ZSCAN23: variants seen among roughly 807,000 people sequenced by gnomAD.
ZSCAN23 encodes zinc finger and SCAN domain-containing protein 23.
ZSCAN23 carries 19 observed loss-of-function variants against 19.3 expected under a neutral mutation model. The ratio of observed to expected loss-of-function variants is 0.99; its 90% CI spans 0.69 to 1.45. The LOEUF (loss-of-function observed/expected upper bound fraction) is 1.45. ZSCAN23 is among the 40% of genes most tolerant of loss of function. The probability of loss-of-function intolerance (pLI) is 0.00; values close to 1 mark genes in which losing one functional copy is unlikely to be tolerated. For synonymous variants in ZSCAN23, 140 were observed against 166.2 expected (o/e 0.84, Z 1.21); for missense variants, 372 against 462.5 (o/e 0.80, Z 1.79).
rs1242530868 is a variant in ZSCAN23 at position 28,433,061 on chromosome 6, C to T, written c.*1404G>A. On this transcript the variant is annotated 3_prime_UTR_variant, in exon 4 of 4. Transcript: ENST00000289788. Reference sequence around the variant, plus strand: ...TTTTAAAAGCTAAAAATAATAATTACAAAAATAAAATGCTTTCAATGAGGA... The same window carrying T: ...TTTTAAAAGCTAAAAATAATAATTATAAAAATAAAATGCTTTCAATGAGGA... 6.6e-6 allele frequency: 1 copy of T among 151,890 alleles called. No individual in the cohort carries two copies. Among genetic ancestry groups the T allele is most frequent in the Non-Finnish European group, 1.5e-5 (1 of 67,934 alleles). The allele number at this position is 151,890 out of a possible 1,614,324, so 9.4% of individuals were successfully genotyped here. A position where few individuals can be genotyped will look rare whatever the true frequency, so the allele number is the denominator to read the frequency against.
chr6:28,428,174 T>C (rs1761693992), downstream of ZSCAN23, among the ~76,000 whole-genome samples: 1 of 152,228 alleles, frequency 6.6e-6, no homozygotes, highest in Non-Finnish European at 1.5e-5. Context: ...AGCTTTCACC[T>C]GAAAACTCCT....
intron 1 of ZSCAN23, among the ~76,000 whole-genome samples, chr6:28,441,240 G>A (rs550077726): frequency 2.2e-4 from 34 of 152,152 alleles, no homozygotes; most frequent in African/African-American, 7.7e-4. Context: ...CCTCACCTCC[G>A]CTGACACCAT....
chr6:28,440,291 C>G (rs1331711863), intron 1 of ZSCAN23, among the ~76,000 whole-genome samples: 4 of 152,184 alleles, frequency 2.6e-5, no homozygotes, highest in African/African-American at 9.7e-5. Flanking sequence ...GTGGTAAGGG[C>G]TCTAACTTGT....
At chr6:28,441,973 G>C (rs1762011326) in intron 1 of ZSCAN23, among the ~76,000 whole-genome samples, 1 of 150,704 alleles carries the variant, frequency 6.6e-6, no homozygotes, top group Admixed American at 6.7e-5. Flanking sequence ...TGCCTCCCAG[G>C]TTCAAGCAAT....
chr6:28,431,961 A>G (rs1761768358), downstream of ZSCAN23: 1 of 151,918 alleles, frequency 6.6e-6, no homozygotes, highest in South Asian at 2.1e-4. Context: ...TTATGTTCTT[A>G]TATTTTGTTC....
chr6:28,434,262 G>C lies in ZSCAN23; in HGVS notation c.*203C>G, dbSNP rs2114032242. ...AAACTAGGTCTACAGCATACATGATGAAATCAACACAAGAGGCAACATTCA... is the reference window on the plus strand; with the variant it reads ...AAACTAGGTCTACAGCATACATGATCAAATCAACACAAGAGGCAACATTCA... On this transcript the variant is annotated 3_prime_UTR_variant, in exon 4 of 4. Transcript: ENST00000289788. The C allele has an allele frequency of 1.8e-6, 1 of 554,146 alleles. No individual in the cohort carries two copies. Among genetic ancestry groups the C allele is most frequent in the East Asian group, 2.9e-5 (1 of 34,706 alleles). 34.3% of individuals were successfully genotyped at this position (554,146 alleles called of 1,614,324 possible).
chr6:28,436,371 T>A (rs1761889712), intron 1 of ZSCAN23, 28 bp from the exon 2 acceptor site: 8 of 1,245,146 alleles, frequency 6.4e-6, no homozygotes, highest in Non-Finnish European at 8.6e-6. Context: ...AAGAAAAAAA[T>A]ATAAAAATGC....
At chr6:28,435,735 TA>T in intron 2 of ZSCAN23, 123 bp downstream of exon 2, 1 of 1,425,018 alleles carries the variant, frequency 7.0e-7, no homozygotes. Context: ...GCAGAGAGAC[TA>T]AAAGCCTACA....
chr6:28,431,648 CA>C (rs1561975825), downstream of ZSCAN23, among the ~76,000 whole-genome samples: 1 of 150,846 alleles, frequency 6.6e-6, no homozygotes, highest in Non-Finnish European at 1.5e-5. Context: ...GGGATAGGTT[CA>C]AGGAGATCTA....
downstream of ZSCAN23, among the ~76,000 whole-genome samples, chr6:28,428,116 T>C (rs1324694961): frequency 2.0e-5 from 3 of 152,200 alleles, no homozygotes; most frequent in Admixed American, 6.5e-5. Context: ...TCCAGCCTTA[T>C]TCTCATCCCA....
chr6:28,424,831 G>A, the ZSCAN23 span, among the ~76,000 whole-genome samples: 1 of 152,142 alleles, frequency 6.6e-6, no homozygotes, highest in Non-Finnish European at 1.5e-5. Flanking sequence ...AGTCATCCAT[G>A]AGGATGGGAA....
At chr6:28,441,689 C>G (rs1762004568) in intron 1 of ZSCAN23, among the ~76,000 whole-genome samples, 1 of 151,892 alleles carries the variant, frequency 6.6e-6, no homozygotes, top group Non-Finnish European at 1.5e-5. Flanking sequence ...TCACCAAGTT[C>G]TATTACCCTG....
intron 1 of ZSCAN23, among the ~76,000 whole-genome samples, chr6:28,440,834 G>A (rs562535207): frequency 1.3e-5 from 2 of 152,082 alleles, no homozygotes; most frequent in African/African-American, 4.8e-5. Context: ...GTTCATTTTT[G>A]CTTTCCTTCA....
intron 1 of ZSCAN23, among the ~76,000 whole-genome samples, chr6:28,440,436 C>G (rs967075406): frequency 2.0e-5 from 3 of 152,146 alleles, no homozygotes; most frequent in Non-Finnish European, 4.4e-5. Flanking sequence ...GAGAGGGATG[C>G]TATGATAATC....
At chr6:28,422,782 AG>A in the ZSCAN23 span, among the ~76,000 whole-genome samples, 8 of 152,246 alleles carry the variant, frequency 5.3e-5, no homozygotes, top group Admixed American at 2.0e-4. The surrounding 1 kb of genome is among the most constrained non-coding windows in gnomAD (Gnocchi z 4.0). Flanking sequence ...GTATGCTTAG[AG>A]GAACAGGTTA....
chr6:28,435,788 C>T (rs537140058), intron 2 of ZSCAN23, 71 bp downstream of exon 2: 2 of 1,468,964 alleles, frequency 1.4e-6, no homozygotes, highest in East Asian at 2.4e-5. Flanking sequence ...TCCTCCTCTA[C>T]CTTTTCTTGT....
downstream of ZSCAN23, among the ~76,000 whole-genome samples, chr6:28,427,596 T>C (rs544101114): frequency 6.6e-6 from 1 of 152,288 alleles, no homozygotes; most frequent in African/African-American, 2.4e-5. Context: ...TCTAAACATA[T>C]CTAAACACAG....
Position 28,436,096 on chromosome 6 carries a change from C to T in ZSCAN23, c.171G>A (p.Gln57=), listed in dbSNP as rs760545983. Residue 57 remains glutamine (Q), a synonymous_variant, in exon 2 of 4, where the codon CAG becomes CAA. Transcript: ENST00000289788. ...GAGCCTCCCGGGGCCCAGGGGACTC[C>T]TGATAGCAGAACTGCCTGAAGCGTC... The part of the protein sequence containing the change: ...FRRRFRQFCY[Q]ESPGPREALQ... 3 of 1,613,848 alleles carry T rather than the reference C, an allele frequency of 1.9e-6. No homozygotes were observed. Among genetic ancestry groups the T allele is most frequent in the South Asian group, 2.2e-5 (2 of 91,074 alleles).
At chr6:28,431,104 T>TG (rs1286861156), downstream of ZSCAN23, among the ~76,000 whole-genome samples, 7 of 121,238 alleles carry the variant, frequency 5.8e-5, no homozygotes, top group East Asian at 1.0e-3. Context: ...AGGGGCGGGA[T>TG]GGGGGGGCCC....
Sources: allele counts gnomAD v4.1 joint callset (sites outside exome capture counted in the v4.1 genomes callset), GRCh38; gene constraint gnomAD v4.1.1; non-coding constraint Gnocchi (gnomAD v3.1); transcripts MANE v1.5; gene names NCBI Gene and HGNC (gene_info 2026-07-23, HGNC 2026-07-21).